KCNMA1: variants seen among roughly 807,000 people sequenced by gnomAD.
KCNMA1 encodes the protein potassium calcium-activated channel subfamily M alpha 1.
A neutral mutation model predicts 140.0 loss-of-function variants in KCNMA1; 29 were observed. The observed-to-expected ratio is 0.21, with a 90% CI of 0.15 to 0.28. The LOEUF (loss-of-function observed/expected upper bound fraction) is 0.28. Ranked by LOEUF, KCNMA1 falls within the 10% of genes least tolerant of loss-of-function variation. The probability of loss-of-function intolerance (pLI) is 1.00; values close to 1 mark genes in which losing one functional copy is unlikely to be tolerated. For missense variants in KCNMA1, 880 were observed against 1,602.2 expected, an observed-to-expected ratio of 0.55 and a Z score of 7.70; for synonymous variants, 612 against 611.9, an observed-to-expected ratio of 1.00 and a Z score of 0.00.
chr10:77,012,623 T>G, intron 17 of KCNMA1: 1 of 1,313,062 alleles, frequency 7.6e-7, no homozygotes, highest in Non-Finnish European at 1.1e-6. Flanking sequence ...CTCTGGAGTT[T>G]CACAGCTTAT....
chr10:77,365,354 T>G (rs1347921813), intron 2 of KCNMA1, among the ~76,000 whole-genome samples: 3 of 152,216 alleles, frequency 2.0e-5, no homozygotes, highest in Admixed American at 1.3e-4. Context: ...AGATACTTTG[T>G]CTGGGGACCT....
rs181446083 is a variant in KCNMA1 at position 77,451,810 on chromosome 10, G to C, written c.379-47787C>G. Among the ~76,000 whole-genome samples, 415 of 152,094 alleles carry C rather than the reference G, an allele frequency of 2.7e-3. 2 individuals carry two copies. Among genetic ancestry groups the C allele is most frequent in the African/African-American group, 9.4e-3 (390 of 41,484 alleles). ...ATGCCTGGATGTTTTTTCTCCCCAGGGCATATATCTCAATTACAAACCTGC... is the reference window on the plus strand; with the variant it reads ...ATGCCTGGATGTTTTTTCTCCCCAGCGCATATATCTCAATTACAAACCTGC... On this transcript the variant is annotated intron_variant, in intron 1 of 27. Coordinates refer to ENST00000286628, the MANE Select transcript of KCNMA1 (RefSeq NM_001161352.2).
intron 2 of KCNMA1, among the ~76,000 whole-genome samples, chr10:77,263,351 CT>C (rs1168899281): frequency 2.0e-5 from 3 of 152,138 alleles, no homozygotes; most frequent in Non-Finnish European, 1.5e-5. Context: ...CTTATTTTGT[CT>C]TTCGGTAACT....
intron 1 of KCNMA1, among the ~76,000 whole-genome samples, chr10:77,609,771 A>G (rs2670129): frequency 0.22 from 33,421 of 151,930 alleles, 3,934 homozygotes; most frequent in African/African-American, 0.27. Context: ...AAATACAGCC[A>G]ATTGGCACTC....
chr10:77,209,875 G>T (rs926947581), intron 3 of KCNMA1, among the ~76,000 whole-genome samples: 6 of 147,132 alleles, frequency 4.1e-5, no homozygotes, highest in Non-Finnish European at 7.5e-5. Context: ...AACCTGAACA[G>T]ACCAATAACA....
intron 22 of KCNMA1, among the ~76,000 whole-genome samples, chr10:76,947,116 C>T (rs1054736364): frequency 6.6e-6 from 1 of 152,084 alleles, no homozygotes; most frequent in Non-Finnish European, 1.5e-5. Flanking sequence ...GGGTGGATCA[C>T]CTGAGGTCAG....
chr10:77,402,135 A>G (rs753186594), intron 2 of KCNMA1, among the ~76,000 whole-genome samples: 7 of 152,196 alleles, frequency 4.6e-5, no homozygotes, highest in South Asian at 2.1e-4. Context: ...TATAGAATAC[A>G]CTACCTCCAT....
intron 1 of KCNMA1, among the ~76,000 whole-genome samples, chr10:77,530,039 T>A (rs961435465): frequency 3.7e-4 from 57 of 152,242 alleles, no homozygotes; most frequent in African/African-American, 1.0e-3. Flanking sequence ...ACCACAGGCA[T>A]CTGAGGCCAA....
intron 2 of KCNMA1, among the ~76,000 whole-genome samples, chr10:77,289,441 C>T (rs1244987373): frequency 6.6e-6 from 1 of 152,216 alleles, no homozygotes; most frequent in Non-Finnish European, 1.5e-5. Flanking sequence ...GGGAAATGGA[C>T]AGCAGCGGAA....
Position 77,637,283 on chromosome 10 carries a change from G to C in KCNMA1, c.360C>G (p.His120Gln). 1 of 1,609,266 alleles carries C rather than the reference G, an allele frequency of 6.2e-7. No individual in the cohort carries two copies. The highest frequency in any genetic ancestry group is 2.2e-5 in the East Asian group (1 of 44,688). ...TLKYLWTVCC[H>Q]CGGKTKEAQK... ...GCGTTACCTTCGTCTTGCCCCCGCA[G>C]TGGCAGCACACGGTCCACAGGTACT... The change falls in exon 1 of 28, where the codon CAC becomes CAG. Residue 120 changes from histidine (H) to glutamine (Q), a missense_variant. Around this residue, in one of 13 missense-constraint regions of KCNMA1, gnomAD observed 54 missense variants for 56.4 expected, o/e 0.96. Transcript: ENST00000286628.
At chr10:77,038,752 G>T (rs2094483655) in intron 15 of KCNMA1, among the ~76,000 whole-genome samples, 1 of 152,084 alleles carries the variant, frequency 6.6e-6, no homozygotes, top group African/African-American at 2.4e-5. Flanking sequence ...TGTTGCCCAG[G>T]CTAGTCTTGA....
intron 20 of KCNMA1, among the ~76,000 whole-genome samples, chr10:76,954,293 A>ACACACACG (rs60005549): frequency 1.3e-5 from 2 of 151,382 alleles, no homozygotes; most frequent in Non-Finnish European, 2.9e-5. Flanking sequence ...ACACACACAC[A>ACACACACG]TACACACACA....
chr10:77,153,260 T>G (rs1564851475), intron 5 of KCNMA1, among the ~76,000 whole-genome samples: 1 of 152,222 alleles, frequency 6.6e-6, no homozygotes, highest in Non-Finnish European at 1.5e-5. Flanking sequence ...CTGAGACTGG[T>G]GAATTTTACC....
chr10:77,454,650 A>G (rs1265472946), intron 1 of KCNMA1, among the ~76,000 whole-genome samples: 1 of 152,208 alleles, frequency 6.6e-6, no homozygotes, highest in Admixed American at 6.5e-5. Flanking sequence ...CGATCACGAT[A>G]CACGAACATG....
rs142004793 is a variant in KCNMA1 at position 76,949,262 on chromosome 10, C to A, written c.2589G>T (p.Pro863=). The A allele has an allele frequency of 2.5e-6, 4 of 1,614,072 alleles. No homozygotes were observed. Among genetic ancestry groups the A allele is most frequent in the South Asian group, 2.2e-5 (2 of 91,074 alleles). The change falls in exon 22 of 28, where the codon CCG becomes CCT. Residue 863 remains proline, a synonymous_variant. Transcript: ENST00000286628. ...ALIGLRNLVM[P]LRASNFHYHE... ...GGTAATGAAAGTTGCTGGCACGGAG[C>A]GGCATCACCAGGTTCCGGAGGCCGA... is the stretch of plus-strand genomic sequence containing the variant.
At chr10:77,362,741 C>G (rs548504668) in intron 2 of KCNMA1, among the ~76,000 whole-genome samples, 52 of 152,276 alleles carry the variant, frequency 3.4e-4, no homozygotes, top group Non-Finnish European at 5.3e-4. Context: ...GGAGTCTCCC[C>G]TGGACTATCA....
At chr10:77,508,755 T>C (rs1294005178) in intron 1 of KCNMA1, among the ~76,000 whole-genome samples, 1 of 152,030 alleles carries the variant, frequency 6.6e-6, no homozygotes, top group East Asian at 1.9e-4. Context: ...ACGTCCAGAA[T>C]TTTTTCATCA....
At position 77,134,133 on chromosome 10, in the gene KCNMA1, T is replaced by C. The variant is rs531849103; in HGVS notation, c.809-13085A>G. On this transcript the variant is annotated intron_variant, in intron 5 of 27. Coordinates refer to ENST00000286628, the MANE Select transcript of KCNMA1 (RefSeq NM_001161352.2). The stretch of plus-strand genomic sequence containing the variant: ...TAAGGGACAGAAAAATTGAGGAAAA[T>C]ATAGGTATATATTATTAGCCCTCTG... Among the ~76,000 whole-genome samples the C allele has an allele frequency of 3.2e-4, 49 of 152,182 alleles. 1 individual carries two copies. In the South Asian group the frequency reaches 9.5e-3, roughly 30 times the overall value.
chr10:77,008,681 G>A (rs562921838), intron 18 of KCNMA1, among the ~76,000 whole-genome samples: 1 of 152,314 alleles, frequency 6.6e-6, no homozygotes, highest in Admixed American at 6.5e-5. Flanking sequence ...GGAGGGTTAG[G>A]AAGCTATGGG....
Sources: gnomAD v4.1 joint callset for allele counts (sites outside exome capture counted in the v4.1 genomes callset) on GRCh38, gnomAD v4.1.1 for gene constraint, gnomAD v4.1.1 regional missense constraint, MANE v1.5 for transcripts, NCBI Gene and HGNC (gene_info 2026-07-23, HGNC 2026-07-21) for gene names.